The following NCOR1 variants were observed in gnomAD, a reference collection of about 807,000 sequenced individuals.
The protein encoded by NCOR1 is nuclear receptor corepressor 1, also known as protein phosphatase 1, regulatory subunit 109.
Under a neutral mutation model 288.1 loss-of-function variants are expected in NCOR1, and 63 were observed. The observed-to-expected ratio is 0.22, with a 90% CI of 0.18 to 0.27. The LOEUF is 0.27. Among genes scored for constraint, NCOR1 ranks in the 10% least tolerant of loss-of-function variants. The pLI is 1.00. For synonymous variants in NCOR1, 1,007 were observed against 1,065.9 expected (o/e 0.94, Z 1.08); for missense variants, 2,397 against 3,019.2 (o/e 0.79, Z 4.83).
intron 23 of NCOR1, among the ~76,000 whole-genome samples, chr17:16,081,840 A>G (rs775363178): frequency 1.3e-5 from 2 of 152,222 alleles, no homozygotes; most frequent in Non-Finnish European, 2.9e-5. Flanking sequence ...GAAAAACTCC[A>G]ACATATTCCC....
rs1047462845 is a variant in NCOR1 at position 16,208,337 on chromosome 17, C to T, written c.-71+7025G>A. 2.0e-5 allele frequency among the ~76,000 whole-genome samples: 3 copies of T among 149,304 alleles called. No homozygotes were observed. The East Asian group carries it at 5.9e-4, about 29-fold the overall frequency. ...CCTCCCAAAGTGCTGGGATTACAGG[C>T]GTGAGCCACCATGCCTGGCCAACCG... On this transcript the variant is annotated intron_variant, in intron 1 of 45. Coordinates refer to ENST00000268712, the MANE Select transcript of NCOR1 (RefSeq NM_006311.4).
Position 16,044,910 on chromosome 17 carries a change from G to T in NCOR1, c.6679+2041C>A. The T allele has an allele frequency of 4.4e-6, 3 of 677,690 alleles. No individual in the cohort carries two copies. The South Asian group carries it at 4.6e-5, about 10-fold the overall frequency. 42.0% of individuals were successfully genotyped at this position (677,690 alleles called of 1,614,324 possible). A position where few individuals can be genotyped will look rare whatever the true frequency, so the allele number is the denominator to read the frequency against. On this transcript the variant is annotated intron_variant, in intron 42 of 45. Coordinates refer to ENST00000268712, the MANE Select transcript of NCOR1 (RefSeq NM_006311.4). ...TGAGAAGAAAGTGGAAGCAAACAAA[G>T]AAGAATCTGAGGAGTCTGATGATGA...
intron 28 of NCOR1, 30 bp downstream of exon 28, chr17:16,073,399 C>T (rs2152749659): frequency 6.5e-7 from 1 of 1,529,172 alleles, no homozygotes; most frequent in South Asian, 1.3e-5. Context: ...TAACATGTAT[C>T]AAAATAACAT....
intron 40 of NCOR1, among the ~76,000 whole-genome samples, chr17:16,055,094 A>G (rs536343888): frequency 6.6e-6 from 1 of 152,328 alleles, no homozygotes; most frequent in Non-Finnish European, 1.5e-5. Flanking sequence ...AATTAGTTCA[A>G]CCACTGTGGA....
chr17:16,100,242 T>C (rs2067364333), intron 20 of NCOR1, among the ~76,000 whole-genome samples: 1 of 152,194 alleles, frequency 6.6e-6, no homozygotes, highest in Non-Finnish European at 1.5e-5. Flanking sequence ...TTAAATAAAG[T>C]AATAACTGTA....
At chr17:16,140,853 C>T (rs187983164) in intron 11 of NCOR1, among the ~76,000 whole-genome samples, 7 of 151,678 alleles carry the variant, frequency 4.6e-5, no homozygotes, top group Admixed American at 6.6e-5. Context: ...GTTAGCCGGG[C>T]GTAGTGGTGT....
chr17:16,207,882 G>C (rs1312299962), intron 1 of NCOR1, among the ~76,000 whole-genome samples: 2 of 151,916 alleles, frequency 1.3e-5, no homozygotes, highest in South Asian at 2.1e-4. Flanking sequence ...CTGTAATGGG[G>C]GAAAGAAATC....
intron 2 of NCOR1, among the ~76,000 whole-genome samples, chr17:16,190,480 G>A (rs970607767): frequency 2.7e-5 from 4 of 150,734 alleles, no homozygotes; most frequent in African/African-American, 7.3e-5. Flanking sequence ...AACTACAGGC[G>A]CCCAACACCA....
intron 42 of NCOR1, among the ~76,000 whole-genome samples, chr17:16,046,257 G>C (rs2058633301): frequency 6.6e-6 from 1 of 152,168 alleles, no homozygotes; most frequent in Non-Finnish European, 1.5e-5. Flanking sequence ...TACTGTAAAA[G>C]TAGAGCGAGG....
chr17:16,162,315 A>G (rs907389661), intron 5 of NCOR1, among the ~76,000 whole-genome samples: 4 of 152,240 alleles, frequency 2.6e-5, no homozygotes, highest in South Asian at 2.1e-4. Flanking sequence ...GACAAGAGTG[A>G]TAAGATGTTA....
chr17:16,198,020 C>T (rs1299025744), intron 1 of NCOR1, among the ~76,000 whole-genome samples: 1 of 151,872 alleles, frequency 6.6e-6, no homozygotes, highest in African/African-American at 2.4e-5. Flanking sequence ...TAAATGGTGG[C>T]ATACTAGAAA....
At chr17:16,056,920 A>G (rs1567742373) in intron 40 of NCOR1, 1 of 151,904 alleles carries the variant, frequency 6.6e-6, no homozygotes, top group African/African-American at 2.4e-5. Flanking sequence ...ATATATATAT[A>G]AAATTATTCA....
At chr17:16,126,049 T>C in intron 15 of NCOR1, 33 bp downstream of exon 15, 1 of 1,017,562 alleles carries the variant, frequency 9.8e-7, no homozygotes. Flanking sequence ...AAATAAACAT[T>C]TAACTTATTA....
At chr17:16,167,325 G>C (rs1236013166) in intron 4 of NCOR1, among the ~76,000 whole-genome samples, 1 of 151,588 alleles carries the variant, frequency 6.6e-6, no homozygotes. Flanking sequence ...ATCTTGGCTT[G>C]AAACAGCCAG....
At chr17:16,104,074 A>G (rs2068125596) in intron 19 of NCOR1, among the ~76,000 whole-genome samples, 1 of 152,188 alleles carries the variant, frequency 6.6e-6, no homozygotes, top group South Asian at 2.1e-4. Context: ...CTGATACCAC[A>G]TGTACTAGTT....
At chr17:16,192,469 A>C (rs2088652820) in intron 2 of NCOR1, among the ~76,000 whole-genome samples, 1 of 152,252 alleles carries the variant, frequency 6.6e-6, no homozygotes, top group Non-Finnish European at 1.5e-5. Context: ...CAGCCTGTCC[A>C]ACATGGTGAA....
At chr17:16,163,393 A>G (rs2081288845) in intron 5 of NCOR1, among the ~76,000 whole-genome samples, 2 of 152,346 alleles carry the variant, frequency 1.3e-5, no homozygotes, top group Admixed American at 1.3e-4. Flanking sequence ...ACAAATGGCC[A>G]ATCAGCACAT....
At chr17:16,195,470 C>CAAAA (rs753774141) in intron 1 of NCOR1, among the ~76,000 whole-genome samples, 1 of 115,168 alleles carries the variant, frequency 8.7e-6, no homozygotes, top group Admixed American at 8.9e-5. Flanking sequence ...GACTCCGTCT[C>CAAAA]AAAAAAAAAA....
At chr17:16,068,754 C>T (rs1339717080) in intron 31 of NCOR1, among the ~76,000 whole-genome samples, 2 of 147,214 alleles carry the variant, frequency 1.4e-5, no homozygotes, top group Non-Finnish European at 3.0e-5. Context: ...CTCGCTGTCA[C>T]CCAGGCTGGA....
Sources: allele counts gnomAD v4.1 joint callset (sites outside exome capture counted in the v4.1 genomes callset), GRCh38; gene constraint gnomAD v4.1.1; transcripts MANE v1.5; gene names NCBI Gene and HGNC (gene_info 2026-07-23, HGNC 2026-07-21).